The following CDKAL1 variants were observed in gnomAD, a reference collection of about 807,000 sequenced individuals.
CDKAL1 encodes CDKAL1 threonylcarbamoyladenosine tRNA methylthiotransferase, also known as threonylcarbamoyladenosine tRNA methylthiotransferase.
A neutral mutation model predicts 68.2 loss-of-function variants in CDKAL1; 32 were observed. The ratio of observed to expected loss-of-function variants is 0.47; its 90% CI spans 0.35 to 0.63. The LOEUF (loss-of-function observed/expected upper bound fraction) is 0.63, where lower values mean the gene tolerates loss of function less well. Among genes scored for constraint, CDKAL1 ranks in the 30% least tolerant of loss-of-function variants. The pLI is 0.00. For missense variants in CDKAL1, 606 were observed against 696.7 expected (o/e 0.87, Z 1.47); for synonymous variants, 234 against 244.3 (o/e 0.96, Z 0.39).
intron 4 of CDKAL1, among the ~76,000 whole-genome samples, chr6:20,610,933 C>G (rs1463385303): frequency 6.6e-6 from 1 of 152,124 alleles, no homozygotes; most frequent in African/African-American, 2.4e-5. Flanking sequence ...TCTTAGCCTC[C>G]TGAATAGCTT....
intron 8 of CDKAL1, among the ~76,000 whole-genome samples, chr6:20,816,503 G>A (rs529904460): frequency 2.6e-5 from 4 of 152,246 alleles, no homozygotes; most frequent in African/African-American, 9.6e-5. Flanking sequence ...TCATAGAAAA[G>A]CAAATCAGAG....
intron 10 of CDKAL1, among the ~76,000 whole-genome samples, chr6:20,998,727 C>T (rs1203543089): frequency 6.6e-6 from 1 of 152,054 alleles, no homozygotes; most frequent in Non-Finnish European, 1.5e-5. Flanking sequence ...TTCTTCAACT[C>T]CAATTCCAAT....
At chr6:20,736,790 C>T (rs973503991) in intron 5 of CDKAL1, among the ~76,000 whole-genome samples, 16 of 148,976 alleles carry the variant, frequency 1.1e-4, no homozygotes, top group Non-Finnish European at 1.8e-4. Context: ...AAAAAATTTC[C>T]TCCACATGCG....
intron 9 of CDKAL1, among the ~76,000 whole-genome samples, chr6:20,883,843 G>A (rs1221989241): frequency 6.6e-6 from 1 of 152,104 alleles, no homozygotes; most frequent in Non-Finnish European, 1.5e-5. Context: ...AGTGAAAAAA[G>A]TAATTGCACC....
At chr6:21,184,258 G>A (rs990196200) in intron 13 of CDKAL1, among the ~76,000 whole-genome samples, 4 of 147,166 alleles carry the variant, frequency 2.7e-5, no homozygotes, top group South Asian at 2.2e-4. Flanking sequence ...GCAATGGCAC[G>A]ACCTCGGCTT....
intron 9 of CDKAL1, among the ~76,000 whole-genome samples, chr6:20,913,296 G>A (rs1762558723): frequency 6.6e-6 from 1 of 152,114 alleles, no homozygotes; most frequent in African/African-American, 2.4e-5. Context: ...GACTCACATG[G>A]GGCAGGATCT....
chr6:21,220,853 G>A (rs908673513), intron 15 of CDKAL1, among the ~76,000 whole-genome samples: 4 of 152,130 alleles, frequency 2.6e-5, no homozygotes, highest in African/African-American at 9.7e-5. Context: ...GCTTCCTGAA[G>A]TTTATACTGG....
At chr6:21,023,991 T>A (rs1768820534) in intron 11 of CDKAL1, among the ~76,000 whole-genome samples, 1 of 152,224 alleles carries the variant, frequency 6.6e-6, no homozygotes, top group Non-Finnish European at 1.5e-5. Context: ...TTTCATGAAT[T>A]TTAATGTGTA....
chr6:21,216,491 T>A (rs1399494526), intron 15 of CDKAL1, among the ~76,000 whole-genome samples: 6 of 151,724 alleles, frequency 4.0e-5, no homozygotes, highest in Non-Finnish European at 2.9e-5. Context: ...ATAATAAGTG[T>A]GTATTAGCAA....
At chr6:20,979,973 T>C (rs1189448333) in intron 10 of CDKAL1, among the ~76,000 whole-genome samples, 2 of 151,746 alleles carry the variant, frequency 1.3e-5, no homozygotes, top group African/African-American at 2.4e-5. Context: ...GGTTTCATCA[T>C]GTTGGCCAGG....
At chr6:21,055,296 A>T (rs1030617280) in intron 11 of CDKAL1, among the ~76,000 whole-genome samples, 1 of 152,052 alleles carries the variant, frequency 6.6e-6, no homozygotes, top group Non-Finnish European at 1.5e-5. Context: ...CTCCTTGTTT[A>T]TGAGAGATAT....
intron 7 of CDKAL1, among the ~76,000 whole-genome samples, chr6:20,761,036 A>G (rs1477931443): frequency 2.0e-5 from 3 of 152,230 alleles, no homozygotes; most frequent in African/African-American, 7.2e-5. Flanking sequence ...TCCAAAATAT[A>G]TGAAGACCTC....
chr6:20,997,541 CG>C (rs896321827), intron 10 of CDKAL1, among the ~76,000 whole-genome samples: 1 of 54,604 alleles, frequency 1.8e-5, no homozygotes, highest in Non-Finnish European at 3.6e-5. Flanking sequence ...ACGGGGGTGG[CG>C]GGGGGAGGGG....
chr6:20,988,651 T>C (rs1766617880), intron 10 of CDKAL1, among the ~76,000 whole-genome samples: 2 of 151,916 alleles, frequency 1.3e-5, no homozygotes, highest in Non-Finnish European at 2.9e-5. Flanking sequence ...TTTCTATTTT[T>C]ATTTATTTAT....
intron 12 of CDKAL1, among the ~76,000 whole-genome samples, chr6:21,085,438 G>A (rs755519061): frequency 2.6e-5 from 4 of 152,188 alleles, no homozygotes; most frequent in Non-Finnish European, 5.9e-5. Context: ...GAAGTATGGT[G>A]CTGACAGTAC....
intron 4 of CDKAL1, among the ~76,000 whole-genome samples, chr6:20,582,231 G>T (rs1383402850): frequency 6.6e-6 from 1 of 152,010 alleles, no homozygotes; most frequent in Non-Finnish European, 1.5e-5. Flanking sequence ...GAAAAGATTT[G>T]ATTCTTGTCT....
chr6:20,581,513 T>C (rs1765143201), intron 4 of CDKAL1, among the ~76,000 whole-genome samples: 1 of 152,236 alleles, frequency 6.6e-6, no homozygotes, highest in Admixed American at 6.5e-5. Flanking sequence ...AGAAAAATTT[T>C]ATATGCTATA....
At chr6:20,652,285 A>T (rs559488236) in intron 5 of CDKAL1, among the ~76,000 whole-genome samples, 4 of 152,154 alleles carry the variant, frequency 2.6e-5, no homozygotes, top group Non-Finnish European at 4.4e-5. Flanking sequence ...ATCAATGCAT[A>T]CTTTGTGAAG....
chr6:20,781,400 A>G (rs1248424365), intron 8 of CDKAL1, 135 bp downstream of exon 8: 3 of 705,272 alleles, frequency 4.3e-6, no homozygotes, highest in African/African-American at 3.6e-5. Context: ...GTGCTCAAAT[A>G]CAGTTTCTTC....
Sources: allele counts gnomAD v4.1 joint callset (sites outside exome capture counted in the v4.1 genomes callset), GRCh38; gene constraint gnomAD v4.1.1; transcripts MANE v1.5; gene names NCBI Gene and HGNC (gene_info 2026-07-23, HGNC 2026-07-21).